Variants in ZDHHC21 observed in about 807,000 individuals in gnomAD.
ZDHHC21 encodes the protein palmitoyltransferase ZDHHC21.
In ZDHHC21, 15 loss-of-function variants were observed where a neutral mutation model predicts 34.6. That is an observed-to-expected ratio of 0.43 (90% CI 0.29 to 0.67). The LOEUF (loss-of-function observed/expected upper bound fraction) is 0.67. ZDHHC21 is among the 30% of genes least tolerant of loss of function. ZDHHC21 has a pLI of 0.14. For synonymous variants in ZDHHC21, 142 were observed against 101.8 expected (o/e 1.40, Z -2.38); for missense variants, 344 against 327.7 (o/e 1.05, Z -0.38).
downstream of ZDHHC21, among the ~76,000 whole-genome samples, chr9:14,607,674 T>C (rs1417336875): frequency 2.6e-5 from 4 of 152,052 alleles, no homozygotes; most frequent in Admixed American, 6.6e-5. Flanking sequence ...GGAAGGGTTA[T>C]GTAAATTTTA....
In ZDHHC21 at chr9:14,655,237, C is replaced by G. The variant is rs199890331; in HGVS notation, c.504+3512G>C. Among the ~76,000 whole-genome samples the G allele has an allele frequency of 2.6e-5, 4 of 151,882 alleles. 1 individual carries two copies. The East Asian group carries it at 7.7e-4, about 29-fold the overall frequency. On this transcript the variant is annotated intron_variant, in intron 7 of 9. Coordinates refer to ENST00000380916, the MANE Select transcript of ZDHHC21 (RefSeq NM_178566.6). ...TTAAAAACTGAACGAAAGTAACCAC[C>G]AATCTACAATTCTGTGCCAAACAAT... is the stretch of plus-strand genomic sequence containing the variant.
intron 7 of ZDHHC21, among the ~76,000 whole-genome samples, chr9:14,653,932 T>G (rs959032528): frequency 6.6e-6 from 1 of 152,038 alleles, no homozygotes; most frequent in African/African-American, 2.4e-5. Context: ...TTAAAGATAC[T>G]GGCAAGTAGC....
At chr9:14,685,287 T>C (rs112017401) in intron 2 of ZDHHC21, among the ~76,000 whole-genome samples, 2 of 148,200 alleles carry the variant, frequency 1.3e-5, no homozygotes, top group African/African-American at 2.5e-5. Context: ...TGGGAGAAAA[T>C]TTTTGCAATC....
chr9:14,596,407 G>A, the ZDHHC21 span, among the ~76,000 whole-genome samples: 1 of 152,230 alleles, frequency 6.6e-6, no homozygotes, highest in African/African-American at 2.4e-5. Flanking sequence ...GTGTGTGTAA[G>A]ATGGGTATGG....
intron 3 of ZDHHC21, among the ~76,000 whole-genome samples, chr9:14,676,723 A>C (rs559048315): frequency 5.9e-5 from 9 of 152,094 alleles, no homozygotes; most frequent in South Asian, 4.1e-4. Flanking sequence ...CATGCTATTT[A>C]ATTTGCTAAG....
chr9:14,684,866 T>C (rs1838029232), intron 2 of ZDHHC21, among the ~76,000 whole-genome samples: 1 of 152,008 alleles, frequency 6.6e-6, no homozygotes, highest in African/African-American at 2.4e-5. Flanking sequence ...TACAGACCAA[T>C]GGAACAGAAC....
intron 3 of ZDHHC21, among the ~76,000 whole-genome samples, chr9:14,676,879 A>G (rs1341980866): frequency 7.2e-5 from 11 of 152,024 alleles, no homozygotes; most frequent in Admixed American, 7.2e-4. Flanking sequence ...AACGTGTTCA[A>G]TATTATTAAT....
At position 14,618,767 on chromosome 9, in the gene ZDHHC21, T is replaced by G; in HGVS notation, c.*199A>C. 2.1e-6 allele frequency: 1 copy of G among 479,340 alleles called. No individual in the cohort carries two copies. The highest frequency in any genetic ancestry group is 3.3e-6 in the Non-Finnish European group (1 of 302,300). The allele number at this position is 479,340 out of a possible 1,614,324, so 29.7% of individuals were successfully genotyped here. A position where few individuals can be genotyped will look rare whatever the true frequency, so the allele number is the denominator to read the frequency against. On this transcript the variant is annotated 3_prime_UTR_variant, in exon 10 of 10. Coordinates refer to ENST00000380916, the MANE Select transcript of ZDHHC21 (RefSeq NM_178566.6). ...AAGCTAATTTGAAAGTAAACATGCT[T>G]TAAAACTTAAATATAGATCTTGTAT...
the ZDHHC21 span, chr9:14,589,560 G>C: frequency 0.07 from 10,662 of 152,074 alleles, 424 homozygotes; most frequent in Admixed American, 0.12. Context: ...AAATCTTCAT[G>C]AGATCTCCAA....
At chr9:14,638,771 A>T (rs753384268) in intron 8 of ZDHHC21, among the ~76,000 whole-genome samples, 1 of 152,082 alleles carries the variant, frequency 6.6e-6, no homozygotes, top group South Asian at 2.1e-4. Flanking sequence ...GAAAAGTACC[A>T]TCATTAATCA....
At chr9:14,660,425 T>C (rs1051288083) in intron 6 of ZDHHC21, among the ~76,000 whole-genome samples, 10 of 137,294 alleles carry the variant, frequency 7.3e-5, no homozygotes, top group Admixed American at 3.6e-4. Context: ...ACAGAAAACC[T>C]TGAGGCAACG....
the ZDHHC21 span, among the ~76,000 whole-genome samples, chr9:14,602,389 A>G: frequency 2.6e-5 from 4 of 152,116 alleles, no homozygotes; most frequent in Non-Finnish European, 5.9e-5. Context: ...ATGAGATGAG[A>G]TGGCCAAAGG....
At chr9:14,620,881 T>C (rs746576409) in intron 8 of ZDHHC21, among the ~76,000 whole-genome samples, 1 of 152,042 alleles carries the variant, frequency 6.6e-6, no homozygotes, top group Non-Finnish European at 1.5e-5. Context: ...CTATATTCAT[T>C]AGTTTTCCTA....
intron 7 of ZDHHC21, among the ~76,000 whole-genome samples, chr9:14,645,278 T>C (rs1047262345): frequency 6.6e-6 from 1 of 151,696 alleles, no homozygotes. Context: ...ATCAACAGAC[T>C]AGAAAAGAAA....
intron 7 of ZDHHC21, among the ~76,000 whole-genome samples, chr9:14,657,129 A>C (rs1210415706): frequency 6.6e-6 from 1 of 152,038 alleles, no homozygotes; most frequent in Non-Finnish European, 1.5e-5. Context: ...TTGTAATTTC[A>C]AACGTCTTAA....
intron 7 of ZDHHC21, among the ~76,000 whole-genome samples, chr9:14,644,538 C>G (rs780951393): frequency 6.6e-6 from 1 of 151,574 alleles, no homozygotes; most frequent in Non-Finnish European, 1.5e-5. Context: ...GAAGAAAGAC[C>G]ATTTATCTGA....
chr9:14,603,441 C>G, the ZDHHC21 span, among the ~76,000 whole-genome samples: 19 of 152,146 alleles, frequency 1.2e-4, no homozygotes, highest in African/African-American at 4.6e-4. Flanking sequence ...TTCAAGGACA[C>G]AAATGACACT....
intron 2 of ZDHHC21, among the ~76,000 whole-genome samples, chr9:14,687,952 T>G (rs960973661): frequency 2.0e-5 from 3 of 150,932 alleles, no homozygotes; most frequent in Admixed American, 1.3e-4. Context: ...GAGTTACAGC[T>G]GTAAACGTAT....
intron 5 of ZDHHC21, 90 bp from the exon 6 acceptor site, chr9:14,662,416 C>T: frequency 2.2e-6 from 2 of 912,170 alleles, no homozygotes; most frequent in South Asian, 1.8e-5. Context: ...TTATAGGAAG[C>T]CTTCAACATA....
Sources: gnomAD v4.1 joint callset for allele counts (sites outside exome capture counted in the v4.1 genomes callset) on GRCh38, gnomAD v4.1.1 for gene constraint, MANE v1.5 for transcripts, NCBI Gene and HGNC (gene_info 2026-07-23, HGNC 2026-07-21) for gene names.